The following CREB3L2 variants were observed in gnomAD, a reference collection of about 807,000 sequenced individuals.
CREB3L2 encodes the protein cAMP responsive element binding protein 3 like 2, also known as cyclic AMP-responsive element-binding protein 3-like protein 2.
In CREB3L2, 23 loss-of-function variants were observed where a neutral mutation model predicts 57.2. The observed-to-expected ratio is 0.40, with a 90% CI of 0.29 to 0.57. CREB3L2 has a LOEUF of 0.57. Ranked by LOEUF, CREB3L2 falls within the 20% of genes least tolerant of loss-of-function variation. CREB3L2 has a pLI of 0.42. For missense variants in CREB3L2, 628 were observed against 634.7 expected, an observed-to-expected ratio of 0.99 and a Z score of 0.11; for synonymous variants, 268 against 265.1, an observed-to-expected ratio of 1.01 and a Z score of -0.11.
chr7:137,942,309 A>C (rs1800893333), intron 1 of CREB3L2, among the ~76,000 whole-genome samples: 1 of 152,226 alleles, frequency 6.6e-6, no homozygotes, highest in South Asian at 2.1e-4. Flanking sequence ...CTTTCTCTGG[A>C]AGTGGGGTCC....
chr7:137,901,440 A>G lies in CREB3L2; in HGVS notation c.975-18T>C, dbSNP rs1799753588. ...ACTCCACTCTACAAAGGAGGGAGAA[A>G]GAAGAAAATTATTATCCATAGAGCA... On this transcript the variant is annotated intron_variant, in intron 7 of 11. Transcript: ENST00000330387. 3 of 1,557,386 alleles carry G rather than the reference A, an allele frequency of 1.9e-6. No individual in the cohort carries two copies. The highest frequency in any genetic ancestry group is 1.4e-5 in the African/African-American group (1 of 73,796).
intron 1 of CREB3L2, among the ~76,000 whole-genome samples, chr7:137,972,303 G>T (rs1801520778): frequency 6.6e-6 from 1 of 151,920 alleles, no homozygotes; most frequent in South Asian, 2.1e-4. Context: ...GCCGGGAGTA[G>T]GGTGCACACC....
chr7:138,000,700 C>A (rs1393590668), intron 1 of CREB3L2, among the ~76,000 whole-genome samples: 2 of 152,182 alleles, frequency 1.3e-5, no homozygotes, highest in African/African-American at 4.8e-5. Flanking sequence ...GCCCCACCCC[C>A]ATTACAAACG....
chr7:138,001,818 G>A lies in CREB3L2; in HGVS notation c.-113C>T, dbSNP rs1802083427. ...CGCGTGTGCTTGCGTGTGTGCGCGCGCGTGTCTGTAGTTTTGCACTTGGAA... is the reference window on the plus strand; with the variant it reads ...CGCGTGTGCTTGCGTGTGTGCGCGCACGTGTCTGTAGTTTTGCACTTGGAA... On this transcript the variant is annotated 5_prime_UTR_variant, in exon 1 of 12. Coordinates refer to ENST00000330387, the MANE Select transcript of CREB3L2 (RefSeq NM_194071.4). This position sits in a 1 kb window ranked among gnomAD's most constrained non-coding sequence, Gnocchi z 4.2. 1.4e-6 allele frequency: 1 copy of A among 707,362 alleles called. No homozygotes were observed. The highest frequency in any genetic ancestry group is 2.2e-6 in the Non-Finnish European group (1 of 456,096). 43.8% of individuals were successfully genotyped at this position (707,362 alleles called of 1,614,324 possible). A position where few individuals can be genotyped will look rare whatever the true frequency, so the allele number is the denominator to read the frequency against.
At chr7:137,977,031 T>C (rs1801620107) in intron 1 of CREB3L2, among the ~76,000 whole-genome samples, 1 of 152,116 alleles carries the variant, frequency 6.6e-6, no homozygotes, top group Non-Finnish European at 1.5e-5. Context: ...CTTTATTCCT[T>C]TAGAAATGAG....
chr7:137,976,677 C>A (rs541319910), intron 1 of CREB3L2, among the ~76,000 whole-genome samples: 18 of 152,214 alleles, frequency 1.2e-4, no homozygotes, highest in Non-Finnish European at 2.5e-4. Flanking sequence ...AAACACAAAT[C>A]CAATCTGGAG....
chr7:137,898,356 C>A (rs555300163), intron 8 of CREB3L2, among the ~76,000 whole-genome samples: 26 of 152,250 alleles, frequency 1.7e-4, no homozygotes, highest in Non-Finnish European at 3.2e-4. Context: ...TGTAGAGGTT[C>A]CTCAAAATAT....
intron 1 of CREB3L2, among the ~76,000 whole-genome samples, chr7:137,958,550 C>A (rs1192670959): frequency 3.9e-5 from 6 of 152,174 alleles, no homozygotes; most frequent in Non-Finnish European, 1.5e-5. Flanking sequence ...CTGCTTCAAA[C>A]AAGCCAAACA....
intron 1 of CREB3L2, among the ~76,000 whole-genome samples, chr7:137,933,081 G>A (rs1800691392): frequency 6.6e-6 from 1 of 152,222 alleles, no homozygotes; most frequent in Non-Finnish European, 1.5e-5. Context: ...AACAATCTAA[G>A]TCAGCATCTG....
intron 1 of CREB3L2, among the ~76,000 whole-genome samples, chr7:137,958,874 T>C (rs1801267536): frequency 6.6e-6 from 1 of 152,306 alleles, no homozygotes; most frequent in East Asian, 1.9e-4. Context: ...GCAGTCAGGA[T>C]CAATCCTCTG....
At chr7:137,958,774 T>A (rs1464082077) in intron 1 of CREB3L2, among the ~76,000 whole-genome samples, 1 of 152,114 alleles carries the variant, frequency 6.6e-6, no homozygotes, top group East Asian at 1.9e-4. Flanking sequence ...TCTAGTGAGG[T>A]CACCAGCTAA....
intron 2 of CREB3L2, among the ~76,000 whole-genome samples, chr7:137,923,817 A>G (rs1217948973): frequency 6.6e-6 from 1 of 152,180 alleles, no homozygotes. Context: ...CTCCCTGGAT[A>G]ACTATATCAG....
chr7:137,940,931 C>T (rs1003027446), intron 1 of CREB3L2, among the ~76,000 whole-genome samples: 13 of 152,182 alleles, frequency 8.5e-5, no homozygotes, highest in Non-Finnish European at 1.8e-4. Flanking sequence ...CCAGGAGGTA[C>T]CCCTCCACCC....
In CREB3L2 at chr7:137,908,353, G is replaced by A. The variant is rs959463167; in HGVS notation, c.667C>T (p.Arg223Cys). The change falls in exon 5 of 12, where the codon CGC becomes TGC. Residue 223 changes from arginine (R) to cysteine (C), a missense_variant. By Grantham distance (180) the Arg-to-Cys change is radical. Transcript: ENST00000330387. ...DSEGSLSPNP[R>C]LHPFSLPQTH... ...TGAGGCAGGCTGAAGGGGTGCAGGC[G>A]TGGGTTGGGACTCAGGCTGCCCTCT... 25 of 1,260,236 alleles carry A rather than the reference G, an allele frequency of 2.0e-5. No homozygotes were observed. Among genetic ancestry groups the A allele is most frequent in the South Asian group, 3.7e-5 (1 of 27,270 alleles). 78.1% of individuals were successfully genotyped at this position (1,260,236 alleles called of 1,614,324 possible).
At chr7:137,968,058 G>T (rs1190262139) in intron 1 of CREB3L2, among the ~76,000 whole-genome samples, 1 of 152,210 alleles carries the variant, frequency 6.6e-6, no homozygotes, top group East Asian at 1.9e-4. Context: ...CAGCCAGTCA[G>T]TAAAAGCTTG....
chr7:137,935,979 A>C, intron 1 of CREB3L2: 1 of 979,194 alleles, frequency 1.0e-6, no homozygotes, highest in East Asian at 1.1e-4. Context: ...GCTGCTAACA[A>C]CTGCCCTAAG....
intron 2 of CREB3L2, chr7:137,922,509 A>C (rs1159923284): frequency 3.6e-5 from 9 of 253,004 alleles, no homozygotes; most frequent in South Asian, 7.8e-5. Flanking sequence ...CACACACACA[A>C]TATATATATA....
At chr7:137,962,467 C>T (rs567332021) in intron 1 of CREB3L2, among the ~76,000 whole-genome samples, 1 of 152,214 alleles carries the variant, frequency 6.6e-6, no homozygotes, top group Non-Finnish European at 1.5e-5. Context: ...CCTTCCCCTT[C>T]CCTGAGGGAT....
At chr7:137,973,681 G>C (rs956629716) in intron 1 of CREB3L2, among the ~76,000 whole-genome samples, 45 of 103,822 alleles carry the variant, frequency 4.3e-4, no homozygotes, top group Non-Finnish European at 7.0e-4. Flanking sequence ...CTGCCAAGAG[G>C]GACCCTACTA....
Sources: gnomAD v4.1 joint callset for allele counts (sites outside exome capture counted in the v4.1 genomes callset) on GRCh38, gnomAD v4.1.1 for gene constraint, Gnocchi (gnomAD v3.1) non-coding constraint, MANE v1.5 for transcripts, NCBI Gene and HGNC (gene_info 2026-07-23, HGNC 2026-07-21) for gene names.